Variants in RPS6KA2 observed in about 807,000 individuals in gnomAD.
RPS6KA2 encodes ribosomal protein S6 kinase alpha-2.
In RPS6KA2, 42 loss-of-function variants were observed where a neutral mutation model predicts 91.8. The observed-to-expected ratio is 0.46, with a 90% CI of 0.36 to 0.59. The LOEUF (loss-of-function observed/expected upper bound fraction) is 0.59, where lower values mean the gene tolerates loss of function less well. Among genes scored for constraint, RPS6KA2 ranks in the 20% least tolerant of loss-of-function variants. The pLI is 0.00. For missense variants in RPS6KA2, 798 were observed against 978.5 expected, an observed-to-expected ratio of 0.82 and a Z score of 2.46; for synonymous variants, 414 against 393.6, an observed-to-expected ratio of 1.05 and a Z score of -0.61.
At chr6:166,680,762 C>T (rs1393561628) in intron 2 of RPS6KA2, among the ~76,000 whole-genome samples, 1 of 152,214 alleles carries the variant, frequency 6.6e-6, no homozygotes, top group Non-Finnish European at 1.5e-5. Flanking sequence ...GACATACCAT[C>T]TTTAAGAACT....
At chr6:166,856,164 G>C (rs1441656751) in intron 2 of RPS6KA2, among the ~76,000 whole-genome samples, 1 of 152,188 alleles carries the variant, frequency 6.6e-6, no homozygotes, top group Non-Finnish European at 1.5e-5. Context: ...TGGTCTAAAT[G>C]TTTGTATTTC....
intron 2 of RPS6KA2, among the ~76,000 whole-genome samples, chr6:166,698,763 C>T (rs181193098): frequency 2.6e-5 from 4 of 152,290 alleles, no homozygotes; most frequent in Admixed American, 2.0e-4. Context: ...AACTCGTCAG[C>T]GGACGGGAGG....
In RPS6KA2 at chr6:166,635,443, C is replaced by T. The variant is rs535531192; in HGVS notation, c.124-96659G>A. On this transcript the variant is annotated intron_variant, in intron 2 of 21. Transcript: ENST00000503859. The surrounding 1 kb of genome is among the most constrained non-coding windows in gnomAD (Gnocchi z 4.8). ...GAGCCCCCAGAGGAGCCCTTAGTCTCGCAGATGACTGCTACATTCACAGGC... is the reference window on the plus strand; with the variant it reads ...GAGCCCCCAGAGGAGCCCTTAGTCTTGCAGATGACTGCTACATTCACAGGC... Among the ~76,000 whole-genome samples, 4 of 152,348 alleles carry T rather than the reference C, an allele frequency of 2.6e-5. No individual in the cohort carries two copies. Among genetic ancestry groups the T allele is most frequent in the South Asian group, 2.1e-4 (1 of 4,828 alleles).
intron 2 of RPS6KA2, among the ~76,000 whole-genome samples, chr6:166,532,584 G>C (rs568648778): frequency 3.4e-4 from 52 of 152,228 alleles, no homozygotes; most frequent in African/African-American, 1.2e-3. Context: ...TGTCATTATT[G>C]AATCACAGCC....
chr6:166,834,452 G>A (rs1780267801), intron 2 of RPS6KA2, among the ~76,000 whole-genome samples: 1 of 152,120 alleles, frequency 6.6e-6, no homozygotes, highest in South Asian at 2.1e-4. Context: ...AACAGACGTT[G>A]GGGTGTATCA....
At chr6:166,658,015 C>T (rs1469829807) in intron 2 of RPS6KA2, among the ~76,000 whole-genome samples, 1 of 152,182 alleles carries the variant, frequency 6.6e-6, no homozygotes, top group Non-Finnish European at 1.5e-5. Context: ...TCCCAAGTAG[C>T]TGGGATACAG....
intron 4 of RPS6KA2, 43 bp downstream of exon 4, chr6:166,510,234 T>C (rs756182856): frequency 8.4e-7 from 1 of 1,193,428 alleles, no homozygotes; most frequent in Non-Finnish European, 1.2e-6. Context: ...CTGGAGAAGG[T>C]TGCCCTGGGT....
intron 11 of RPS6KA2, among the ~76,000 whole-genome samples, chr6:166,461,617 G>A (rs1780306470): frequency 6.6e-6 from 1 of 151,690 alleles, no homozygotes. Flanking sequence ...AAGAAAGAGA[G>A]AGAGCACGCA....
intron 5 of RPS6KA2, among the ~76,000 whole-genome samples, chr6:166,505,751 C>A (rs1049600989): frequency 6.6e-6 from 1 of 152,094 alleles, no homozygotes; most frequent in African/African-American, 2.4e-5. Flanking sequence ...CACCCACCGG[C>A]CCCCCGAGTC....
chr6:166,567,987 G>T (rs1784552687), intron 1 of RPS6KA2, among the ~76,000 whole-genome samples: 1 of 152,206 alleles, frequency 6.6e-6, no homozygotes, highest in Non-Finnish European at 1.5e-5. Flanking sequence ...GCGCCTGGCA[G>T]CTCCTCCTCC....
rs147189556 is a variant in RPS6KA2 at position 166,763,537 on chromosome 6, C to G, written c.123+94663G>C. 2.6e-3 allele frequency among the ~76,000 whole-genome samples: 392 copies of G among 152,300 alleles called. 5 individuals carry two copies. The highest frequency in any genetic ancestry group is 9.1e-3 in the African/African-American group (377 of 41,564). On this transcript the variant is annotated intron_variant, in intron 2 of 21. Coordinates refer to the RPS6KA2 transcript ENST00000503859. ...AGTTCACATTGCAAGGTGCTTAGAACATACTGAGTATTCTATAACGATTTA... is the reference window on the plus strand; with the variant it reads ...AGTTCACATTGCAAGGTGCTTAGAAGATACTGAGTATTCTATAACGATTTA...
upstream of RPS6KA2, among the ~76,000 whole-genome samples, chr6:166,632,207 C>T (rs148871117): frequency 6.6e-6 from 1 of 152,306 alleles, no homozygotes; most frequent in East Asian, 1.9e-4. Context: ...CCAGGCCCAC[C>T]TGTGTTGCCC....
chr6:166,614,250 A>G (rs1786314433), intron 1 of RPS6KA2, among the ~76,000 whole-genome samples: 1 of 152,244 alleles, frequency 6.6e-6, no homozygotes, highest in Non-Finnish European at 1.5e-5. Flanking sequence ...AGACAGATAT[A>G]GATGCAGCCG....
At position 166,676,494 on chromosome 6, in the gene RPS6KA2, G is replaced by A. The variant is rs922198849; in HGVS notation, c.124-137710C>T. On this transcript the variant is annotated intron_variant, in intron 2 of 21. Transcript: ENST00000503859. ...TCCACGCCTCACCCTCTAGCGGCTC[G>A]GCTCCCTATTACACGGGAAGATTCC... Among the ~76,000 whole-genome samples the A allele has an allele frequency of 3.3e-5, 5 of 152,068 alleles. No homozygotes were observed. In the East Asian group the frequency reaches 5.8e-4, roughly 18 times the overall value.
chr6:166,469,823 CT>C lies in RPS6KA2; in HGVS notation c.972+17del, dbSNP rs1337865345. ...TGTGTCACGCGTGTGCAGGTGGGGA[CT>C]GTGGCATGCAACTTACGTTCCAGTC... On this transcript the variant is annotated intron_variant, in intron 11 of 20. Transcript: ENST00000265678. The C allele has an allele frequency of 6.2e-7, 1 of 1,611,602 alleles. No individual in the cohort carries two copies. The highest frequency in any genetic ancestry group is 1.1e-5 in the South Asian group (1 of 91,036).
intron 2 of RPS6KA2, among the ~76,000 whole-genome samples, chr6:166,651,749 C>T (rs1787860450): frequency 6.6e-6 from 1 of 152,244 alleles, no homozygotes; most frequent in African/African-American, 2.4e-5. Context: ...ATGTGTGGCT[C>T]ACAGGCACGT....
chr6:166,448,833 T>G lies in RPS6KA2; in HGVS notation c.1223A>C (p.Asn408Thr). The G allele has an allele frequency of 4.3e-6, 7 of 1,613,858 alleles. No homozygotes were observed. Among genetic ancestry groups the G allele is most frequent in the Non-Finnish European group, 5.9e-6 (7 of 1,179,956 alleles). ...CTCGTAGCCATCGGTGAAGTGGATGTTGTTCCCGTGTAACTGCTGCAGAGG... is the reference window on the plus strand; with the variant it reads ...CTCGTAGCCATCGGTGAAGTGGATGGTGTTCCCGTGTAACTGCTGCAGAGG... ...HPIVQQLHGN[N>T]IHFTDGYEIK... is the part of the protein sequence containing the mutation. The change falls in exon 14 of 21, where the codon AAC (asparagine) becomes ACC (threonine). Residue 408 changes from asparagine (N) to threonine (T), a missense_variant. By Grantham distance (65) the Asn-to-Thr change is moderately conservative. Transcript: ENST00000265678. This position sits in a 1 kb window ranked among gnomAD's most constrained non-coding sequence, Gnocchi z 4.7.
At chr6:166,510,554 CATAT>C (rs58712416) in intron 3 of RPS6KA2, among the ~76,000 whole-genome samples, 197 bp from the exon 4 acceptor site, 188 of 78,496 alleles carry the variant, frequency 2.4e-3, no homozygotes, top group Non-Finnish European at 2.8e-3. Flanking sequence ...TTCTCTCTCT[CATAT>C]ATATATATAT....
chr6:166,485,721 A>AC (rs1177084384), intron 10 of RPS6KA2, among the ~76,000 whole-genome samples: 2 of 150,148 alleles, frequency 1.3e-5, no homozygotes, highest in Non-Finnish European at 3.0e-5. Flanking sequence ...ACGGTGATGA[A>AC]CGGGGGGGTC....
Sources: gnomAD v4.1 joint callset for allele counts (sites outside exome capture counted in the v4.1 genomes callset) on GRCh38, gnomAD v4.1.1 for gene constraint, Gnocchi (gnomAD v3.1) non-coding constraint, MANE v1.5 for transcripts, NCBI Gene and HGNC (gene_info 2026-07-23, HGNC 2026-07-21) for gene names.